The following TGFBRAP1 variants were observed in gnomAD, a reference collection of about 807,000 sequenced individuals.
The protein encoded by TGFBRAP1 is transforming growth factor beta receptor associated protein 1.
A neutral mutation model predicts 83.2 loss-of-function variants in TGFBRAP1; 20 were observed. The observed-to-expected ratio is 0.24, with a 90% CI of 0.17 to 0.35. TGFBRAP1 has a LOEUF of 0.35. TGFBRAP1 is among the 10% of genes least tolerant of loss of function. The probability of loss-of-function intolerance (pLI) is 1.00; values close to 1 mark genes in which losing one functional copy is unlikely to be tolerated. For missense variants in TGFBRAP1, 950 were observed against 1,099.4 expected (o/e 0.86, Z 1.92); for synonymous variants, 415 against 459.8 (o/e 0.90, Z 1.25).
intron 4 of TGFBRAP1, among the ~76,000 whole-genome samples, chr2:105,291,977 G>A (rs1307276902): frequency 1.3e-5 from 2 of 152,174 alleles, no homozygotes; most frequent in Non-Finnish European, 2.9e-5. Context: ...ACATATTTAA[G>A]TTCCTCACTG....
In TGFBRAP1 at chr2:105,266,018, A is replaced by G. The variant is rs1002440129; in HGVS notation, c.*1365T>C. 1 of 152,288 alleles carries G rather than the reference A, an allele frequency of 6.6e-6. No individual in the cohort carries two copies. Among genetic ancestry groups the G allele is most frequent in the African/African-American group, 2.4e-5 (1 of 41,478 alleles). The allele number at this position is 152,288 out of a possible 1,614,324, so 9.4% of individuals were successfully genotyped here. A position where few individuals can be genotyped will look rare whatever the true frequency, so the allele number is the denominator to read the frequency against. Reference sequence around the variant, plus strand: ...TTTCCCAAGCATGATAGTAGTGGGTAGACTGCCTTTATTGTTAGCCCCTAA... The same window carrying G: ...TTTCCCAAGCATGATAGTAGTGGGTGGACTGCCTTTATTGTTAGCCCCTAA... On this transcript the variant is annotated 3_prime_UTR_variant, in exon 12 of 12. Coordinates refer to ENST00000393359, the MANE Select transcript of TGFBRAP1 (RefSeq NM_004257.6).
chr2:105,289,241 A>G (rs1273977573), intron 4 of TGFBRAP1, among the ~76,000 whole-genome samples: 1 of 152,172 alleles, frequency 6.6e-6, no homozygotes, highest in Non-Finnish European at 1.5e-5. Flanking sequence ...GGAAGGATAT[A>G]CACAAAAAAT....
At chr2:105,255,893 C>T in the TGFBRAP1 span, among the ~76,000 whole-genome samples, 1 of 152,148 alleles carries the variant, frequency 6.6e-6, no homozygotes, top group Non-Finnish European at 1.5e-5. Context: ...TGCCTCCTGA[C>T]CAACCTGGTG....
intron 1 of TGFBRAP1, among the ~76,000 whole-genome samples, chr2:105,311,037 G>A (rs1678672187): frequency 6.6e-6 from 1 of 150,658 alleles, no homozygotes; most frequent in Non-Finnish European, 1.5e-5. Flanking sequence ...TAGCATAAGG[G>A]ATAAACTAAA....
chr2:105,286,585 C>T (rs1230929598), intron 4 of TGFBRAP1, among the ~76,000 whole-genome samples: 1 of 152,188 alleles, frequency 6.6e-6, no homozygotes, highest in East Asian at 1.9e-4. Context: ...ATCAGCTCAT[C>T]CTTCATTATA....
chr2:105,312,649 T>C (rs926569694), intron 1 of TGFBRAP1, among the ~76,000 whole-genome samples: 2 of 152,244 alleles, frequency 1.3e-5, no homozygotes, highest in African/African-American at 4.8e-5. Flanking sequence ...AATTATTTCC[T>C]ACCAGGTTAA....
rs1676917641 is a variant in TGFBRAP1 at position 105,265,986 on chromosome 2, A to T, written c.*1397T>A. On this transcript the variant is annotated 3_prime_UTR_variant, in exon 12 of 12. Coordinates refer to ENST00000393359, the MANE Select transcript of TGFBRAP1 (RefSeq NM_004257.6). ...CCTCTCTTGTCATATGTACAAGCTG[A>T]CGCTTGTTTCCCAAGCATGATAGTA... The T allele has an allele frequency of 6.6e-6, 1 of 152,262 alleles. No individual in the cohort carries two copies. Among genetic ancestry groups the T allele is most frequent in the Non-Finnish European group, 1.5e-5 (1 of 68,046 alleles). 9.4% of individuals were successfully genotyped at this position (152,262 alleles called of 1,614,324 possible).
chr2:105,288,276 A>C (rs1165249738), intron 4 of TGFBRAP1, among the ~76,000 whole-genome samples: 1 of 152,178 alleles, frequency 6.6e-6, no homozygotes, highest in African/African-American at 2.4e-5. Context: ...GACGACACAG[A>C]CCCCTGAGCC....
the TGFBRAP1 span, among the ~76,000 whole-genome samples, chr2:105,251,734 G>A: frequency 1.1e-4 from 17 of 152,024 alleles, no homozygotes; most frequent in East Asian, 1.9e-4. Flanking sequence ...TTGAGAAATC[G>A]GATGGTTGCC....
chr2:105,264,066 C>A (rs1031039661), downstream of TGFBRAP1, among the ~76,000 whole-genome samples: 1 of 152,126 alleles, frequency 6.6e-6, no homozygotes, highest in African/African-American at 2.4e-5. Flanking sequence ...TTAAAAGGTA[C>A]GATTTTGTAA....
chr2:105,323,521 C>G (rs1679128908), intron 1 of TGFBRAP1, among the ~76,000 whole-genome samples: 1 of 152,114 alleles, frequency 6.6e-6, no homozygotes, highest in Non-Finnish European at 1.5e-5. Context: ...TTGCAGGCAG[C>G]AGGGAGTGAA....
In TGFBRAP1 at chr2:105,292,980, C is replaced by T. The variant is rs144038493; in HGVS notation, c.1038+3376G>A. On this transcript the variant is annotated intron_variant, in intron 4 of 11. Coordinates refer to ENST00000393359, the MANE Select transcript of TGFBRAP1 (RefSeq NM_004257.6). ...ACAGTAATTTGAGTGTACAGGCTAG[C>T]GAGATTTTTCCCTAAGGATTAAAAA... 1.6e-4 allele frequency among the ~76,000 whole-genome samples: 24 copies of T among 151,604 alleles called. 1 individual carries two copies. In the East Asian group the frequency reaches 3.5e-3, roughly 22 times the overall value.
the TGFBRAP1 span, among the ~76,000 whole-genome samples, chr2:105,255,685 C>G: frequency 6.6e-6 from 1 of 152,164 alleles, no homozygotes; most frequent in African/African-American, 2.4e-5. Flanking sequence ...TTATGGAGCT[C>G]TCACCCATGG....
At chr2:105,329,041 G>A (rs1679296611) in intron 1 of TGFBRAP1, among the ~76,000 whole-genome samples, 1 of 152,120 alleles carries the variant, frequency 6.6e-6, no homozygotes, top group Non-Finnish European at 1.5e-5. Context: ...GGGCCAGGAA[G>A]CCCAGCACAG....
At chr2:105,281,716 C>T (rs930515139) in intron 5 of TGFBRAP1, among the ~76,000 whole-genome samples, 2 of 152,232 alleles carry the variant, frequency 1.3e-5, no homozygotes, top group East Asian at 3.8e-4. Context: ...CACCCCAACA[C>T]TTCTACTAGA....
intron 4 of TGFBRAP1, among the ~76,000 whole-genome samples, chr2:105,290,616 A>AGTGTGT (rs3060065): frequency 0.11 from 15,643 of 139,658 alleles, 922 homozygotes; most frequent in Admixed American, 0.14. Flanking sequence ...ACAGAGAGAC[A>AGTGTGT]GTGTGTGTGT....
rs949332179 is a variant in TGFBRAP1 at position 105,275,668 on chromosome 2, G to A, written c.1557C>T (p.Asp519=). The A allele has an allele frequency of 1.2e-6, 2 of 1,613,198 alleles. No individual in the cohort carries two copies. The highest frequency in any genetic ancestry group is 2.7e-5 in the African/African-American group (2 of 74,972). Residue 519 remains aspartate (D), a synonymous_variant, in exon 8 of 12, where the codon GAC becomes GAT. Coordinates refer to ENST00000393359, the MANE Select transcript of TGFBRAP1 (RefSeq NM_004257.6). Reference sequence around the variant, plus strand: ...ATTCATACAGGTCTGAGCGTGTGGAGTCCTGGACATCGCCATTCACAATGT... The same window carrying A: ...ATTCATACAGGTCTGAGCGTGTGGAATCCTGGACATCGCCATTCACAATGT... ...WVNIVNGDVQ[D]STRSDLYEYI...
chr2:105,273,640 G>A lies in TGFBRAP1; in HGVS notation c.1716C>T (p.Asn572=), dbSNP rs1553401449. The A allele has an allele frequency of 1.9e-6, 3 of 1,614,178 alleles. No homozygotes were observed. The highest frequency in any genetic ancestry group is 2.5e-6 in the Non-Finnish European group (3 of 1,180,036). The part of the protein sequence containing the change: ...TKRPLDEQQK[N]SFNPDDIINC... ...TGATAATGTCGTCTGGATTAAAACT[G>A]TTCTTCTGCTGTTCATCCAAAGGTC... The change falls in exon 9 of 12, where the codon AAC becomes AAT. Residue 572 remains asparagine, a synonymous_variant. Transcript: ENST00000393359.
intron 1 of TGFBRAP1, among the ~76,000 whole-genome samples, chr2:105,315,922 T>C (rs960297902): frequency 6.6e-6 from 1 of 152,172 alleles, no homozygotes; most frequent in African/African-American, 2.4e-5. Flanking sequence ...AGCTTATTCA[T>C]ATTACCCAAA....
Sources: gnomAD v4.1 joint callset for allele counts (sites outside exome capture counted in the v4.1 genomes callset) on GRCh38, gnomAD v4.1.1 for gene constraint, MANE v1.5 for transcripts, NCBI Gene and HGNC (gene_info 2026-07-23, HGNC 2026-07-21) for gene names.